Variants in MACF1 observed in about 807,000 individuals in gnomAD.
MACF1 encodes microtubule-actin cross-linking factor 1.
In MACF1, 193 loss-of-function variants were observed where a neutral mutation model predicts 854.8. The ratio of observed to expected loss-of-function variants is 0.23; its 90% CI spans 0.20 to 0.25. MACF1 has a LOEUF of 0.25. Among genes scored for constraint, MACF1 ranks in the 10% least tolerant of loss-of-function variants. MACF1 has a pLI of 1.00. For synonymous variants in MACF1, 3,185 were observed against 3,226.7 expected (o/e 0.99, Z 0.44); for missense variants, 7,722 against 8,929.1 (o/e 0.86, Z 5.45).
Position 39,353,214 on chromosome 1 carries a change from C to A in MACF1, c.11407C>A (p.Gln3803Lys), listed in dbSNP as rs1239084064. 3 of 1,605,214 alleles carry A rather than the reference C, an allele frequency of 1.9e-6. No homozygotes were observed. The highest frequency in any genetic ancestry group is 1.7e-6 in the Non-Finnish European group (2 of 1,172,722). The change falls in exon 44 of 101, where the codon CAA (glutamine) becomes AAA (lysine). Residue 3803 changes from glutamine (Q) to lysine (K), a missense_variant. By Grantham distance (53) the Gln-to-Lys change is moderately conservative. Transcript: ENST00000564288. ...VNQAPEKLDK[Q>K]CEMMKARHQE... ...TCAAGCCCCAGAGAAACTGGACAAG[C>A]AATGTGAGATGATGAAGGTAAGGGT...
chr1:39,257,915 G>A lies in MACF1; in HGVS notation c.436-21G>A, dbSNP rs374811732. The A allele has an allele frequency of 6.8e-5, 107 of 1,575,486 alleles. 1 individual carries two copies. Among genetic ancestry groups the A allele is most frequent in the Middle Eastern group, 1.7e-4 (1 of 5,998 alleles). On this transcript the variant is annotated intron_variant, in intron 5 of 100. Coordinates refer to ENST00000564288, the MANE Select transcript of MACF1 (RefSeq NM_001394062.1). ...ACAAAAAGTCCTAGAGCTCTGAGCC[G>A]TGCTTTTATTTCTTTTTCAGGTGAA...
chr1:39,182,428 G>T (rs570581575), intron 2 of MACF1, among the ~76,000 whole-genome samples: 1 of 151,912 alleles, frequency 6.6e-6, no homozygotes, highest in South Asian at 2.1e-4. Context: ...ACACCTCACA[G>T]AATGGGAGAA....
At chr1:39,114,509 C>T (rs1452763724) in intron 2 of MACF1, among the ~76,000 whole-genome samples, 1 of 151,948 alleles carries the variant, frequency 6.6e-6, no homozygotes, top group East Asian at 1.9e-4. Flanking sequence ...AGGAGGATCA[C>T]GAGTCCAGGA....
rs142728121 is a variant in MACF1, at chr1:39,305,913, C to T, written c.2789+2835C>T. Among the ~76,000 whole-genome samples, 439 of 152,248 alleles carry T rather than the reference C, an allele frequency of 2.9e-3. 1 individual carries two copies. The highest frequency in any genetic ancestry group is 4.9e-3 in the Non-Finnish European group (333 of 68,004). Reference sequence around the variant, plus strand: ...GACCACCATCCCCACTAACTGCATGCCACTCTCTGTCTTCTTTACTCATTT... The same window carrying T: ...GACCACCATCCCCACTAACTGCATGTCACTCTCTGTCTTCTTTACTCATTT... On this transcript the variant is annotated intron_variant, in intron 23 of 100. Transcript: ENST00000564288.
chr1:39,262,646 C>CCTT (rs1645177667), intron 6 of MACF1, among the ~76,000 whole-genome samples: 1 of 152,116 alleles, frequency 6.6e-6, no homozygotes, highest in Admixed American at 6.5e-5. Flanking sequence ...ACTTCCAGGG[C>CCTT]TTTTGACACA....
At position 39,197,707 on chromosome 1, in the gene MACF1, A is replaced by T. The variant is rs1644337959; in HGVS notation, c.221-33475A>T. Among the ~76,000 whole-genome samples the T allele has an allele frequency of 3.3e-5, 5 of 152,070 alleles. No homozygotes were observed. The South Asian group carries it at 1.0e-3, about 32-fold the overall frequency. ...TGAGACCAGCCTGGACTACATAGTG[A>T]GACCCCATCTTCAAAAAAAATTAAA... On this transcript the variant is annotated intron_variant, in intron 2 of 93. Transcript: ENST00000361689.
intron 28 of MACF1, 31 bp downstream of exon 28, chr1:39,316,560 AC>A (rs1206406310): frequency 1.3e-6 from 2 of 1,598,682 alleles, no homozygotes; most frequent in Non-Finnish European, 1.7e-6. Flanking sequence ...TAGGAGGTTG[AC>A]CTAACATATT....
In MACF1 at chr1:39,297,630, A is replaced by C. The variant is rs1249916450; in HGVS notation, c.2366A>C (p.Asp789Ala). The change falls in exon 21 of 101, where the codon GAT (aspartate) becomes GCT (alanine). Residue 789 changes from aspartate to alanine, a missense_variant. Transcript: ENST00000564288. ...TTTGTATTCCCATAGTTCTTCAGTG[A>C]TGCACGAGAGCTGGAGTCATTCTTG... The part of the protein sequence containing the change: ...ENTAYFQFFS[D>A]ARELESFLRN... 1 of 1,614,168 alleles carries C rather than the reference A, an allele frequency of 6.2e-7. No homozygotes were observed. The highest frequency in any genetic ancestry group is 1.1e-5 in the South Asian group (1 of 91,086).
At chr1:39,358,152 G>C (rs960426903) in intron 45 of MACF1, among the ~76,000 whole-genome samples, 5 of 152,362 alleles carry the variant, frequency 3.3e-5, no homozygotes, top group African/African-American at 9.6e-5. Context: ...GAAGGTGGAA[G>C]TATTCCCCTT....
At chr1:39,249,354 G>A (rs1371076484) in intron 2 of MACF1, among the ~76,000 whole-genome samples, 1 of 152,130 alleles carries the variant, frequency 6.6e-6, no homozygotes, top group African/African-American at 2.4e-5. Context: ...ATTTCCTCAT[G>A]TGTAAAATAG....
chr1:39,324,286 G>T lies in MACF1; in HGVS notation c.4330G>T (p.Ala1444Ser), dbSNP rs1252049747. The change falls in exon 34 of 101, where the codon GCT becomes TCT. Residue 1444 changes from alanine (A) to serine (S), a missense_variant. By Grantham distance (99) the Ala-to-Ser change is moderately conservative (BLOSUM62 1). Coordinates refer to ENST00000564288, the MANE Select transcript of MACF1 (RefSeq NM_001394062.1). Reference protein sequence around the residue: ...STLARNTQGKATSSETKESTD... With the variant: ...STLARNTQGKSTSSETKESTD... ...CCTAGCGAGGAATACACAAGGAAAA[G>T]CTACCTCATCCGAGACCAAAGAATC... 1 of 1,613,950 alleles carries T rather than the reference G, an allele frequency of 6.2e-7. No individual in the cohort carries two copies. Among genetic ancestry groups the T allele is most frequent in the South Asian group, 1.1e-5 (1 of 91,072 alleles).
rs138873333 is a variant in MACF1 at position 39,317,341 on chromosome 1, G to A, written c.3716G>A (p.Arg1239His). The change falls in exon 29 of 101, where the codon CGC becomes CAC. Residue 1239 changes from arginine (R) to histidine (H), a missense_variant. By Grantham distance (29) the Arg-to-His change is conservative. Around this residue, in one of 15 missense-constraint regions of MACF1, gnomAD observed 1,137 missense variants for 1,263.0 expected, o/e 0.90. Transcript: ENST00000564288. ...CCAGAGCGAAATCTGGATTTGGAGC[G>A]CTATCAGGAAAAAGGCTCCCAGCTG... ...LTPERNLDLE[R>H]YQEKGSQLQE... 92 of 1,613,674 alleles carry A rather than the reference G, an allele frequency of 5.7e-5. No individual in the cohort carries two copies. Among genetic ancestry groups the A allele is most frequent in the Non-Finnish European group, 7.5e-5 (88 of 1,179,966 alleles).
chr1:39,126,241 A>G (rs1054787636), intron 2 of MACF1, among the ~76,000 whole-genome samples: 9 of 152,264 alleles, frequency 5.9e-5, no homozygotes, highest in Middle Eastern at 6.8e-3. Flanking sequence ...TGTTCCATGC[A>G]TCTCTTCTAG....
At chr1:39,390,475 T>C (rs1290477479) in intron 58 of MACF1, among the ~76,000 whole-genome samples, 2 of 152,214 alleles carry the variant, frequency 1.3e-5, no homozygotes, top group Non-Finnish European at 2.9e-5. Context: ...CTTCTTACCA[T>C]GTTTGGAGAT....
chr1:39,423,023 C>T (rs1377037998), intron 60 of MACF1, 123 bp downstream of exon 60: 1 of 814,900 alleles, frequency 1.2e-6, no homozygotes, highest in Non-Finnish European at 1.9e-6. Flanking sequence ...TTTGTGTCGT[C>T]CTGAAAAGAA....
At chr1:39,393,270 C>T (rs962988037) in intron 58 of MACF1, among the ~76,000 whole-genome samples, 2 of 142,450 alleles carry the variant, frequency 1.4e-5, no homozygotes, top group East Asian at 4.1e-4. Flanking sequence ...TTTTGAAATT[C>T]CCTACGTAGG....
chr1:39,480,302 A>C (rs1368572452), intron 98 of MACF1, among the ~76,000 whole-genome samples: 3 of 152,190 alleles, frequency 2.0e-5, no homozygotes, highest in African/African-American at 7.2e-5. Context: ...GTTTGAGCCC[A>C]TCCAGTGTTA....
chr1:39,410,812 G>T, intron 58 of MACF1: 1 of 1,613,958 alleles, frequency 6.2e-7, no homozygotes, highest in South Asian at 1.1e-5. Context: ...TGGTCATTTG[G>T]ACCACAGGGA....
At chr1:39,213,297 T>TAAC (rs1644537640) in intron 1 of MACF1, among the ~76,000 whole-genome samples, 1 of 151,850 alleles carries the variant, frequency 6.6e-6, no homozygotes, top group South Asian at 2.1e-4. Context: ...GATGGGGTTA[T>TAAC]GGAGACAAAA....
Sources: gnomAD v4.1 joint callset for allele counts (sites outside exome capture counted in the v4.1 genomes callset) on GRCh38, gnomAD v4.1.1 for gene constraint, gnomAD v4.1.1 regional missense constraint, MANE v1.5 for transcripts, NCBI Gene and HGNC (gene_info 2026-07-23, HGNC 2026-07-21) for gene names.